RASEF: variants seen among roughly 807,000 people sequenced by gnomAD.
RASEF encodes the protein ras and EF-hand domain-containing protein.
A neutral mutation model predicts 90.1 loss-of-function variants in RASEF; 68 were observed. The ratio of observed to expected loss-of-function variants is 0.75; its 90% CI spans 0.62 to 0.92. RASEF has a LOEUF of 0.92. RASEF is among the 40% of genes least tolerant of loss of function. RASEF has a pLI of 0.00. For missense variants in RASEF, 949 were observed against 937.2 expected, an observed-to-expected ratio of 1.01 and a Z score of -0.16; for synonymous variants, 331 against 345.2, an observed-to-expected ratio of 0.96 and a Z score of 0.46.
At chr9:83,134,194 T>C in the RASEF span, among the ~76,000 whole-genome samples, 1 of 152,008 alleles carries the variant, frequency 6.6e-6, no homozygotes, top group Non-Finnish European at 1.5e-5. Context: ...CCCTCCCTAC[T>C]CTCAGCCACC....
rs986689420 is a variant in RASEF, at chr9:83,062,710, C to A, written c.158G>T (p.Arg53Leu). The A allele has an allele frequency of 1.3e-6, 2 of 1,578,752 alleles. No homozygotes were observed. Among genetic ancestry groups the A allele is most frequent in the Non-Finnish European group, 1.7e-6 (2 of 1,171,060 alleles). ...RPADAEAVFQ[R>L]LDADRDGAIT... Reference sequence around the variant, plus strand: ...GGCGCCGTCACGGTCGGCGTCCAGCCGCTGGAATACTGCCTCGGCGTCGGC... The same window carrying A: ...GGCGCCGTCACGGTCGGCGTCCAGCAGCTGGAATACTGCCTCGGCGTCGGC... The change falls in exon 1 of 17, where the codon CGG becomes CTG. Residue 53 changes from arginine (R) to leucine (L), a missense_variant. Coordinates refer to ENST00000376447, the MANE Select transcript of RASEF (RefSeq NM_152573.4).
At chr9:83,084,853 G>C in the RASEF span, among the ~76,000 whole-genome samples, 1 of 151,900 alleles carries the variant, frequency 6.6e-6, no homozygotes, top group Non-Finnish European at 1.5e-5. Flanking sequence ...ACTTGTCTTG[G>C]ATATTTTTGT....
At chr9:83,063,166 T>C (rs2117935724), upstream of RASEF, 1 of 380,314 alleles carries the variant, frequency 2.6e-6, no homozygotes, top group Non-Finnish European at 4.7e-6. Context: ...CCGAGGTGGC[T>C]CTCGCCACTT....
At chr9:83,079,284 C>T in the RASEF span, among the ~76,000 whole-genome samples, 12 of 152,124 alleles carry the variant, frequency 7.9e-5, no homozygotes, top group African/African-American at 2.9e-4. Flanking sequence ...AGCCAGTTAG[C>T]CCAGCAAAAT....
At chr9:83,164,373 A>ATATATATATATATATGTG in the RASEF span, among the ~76,000 whole-genome samples, 6 of 141,976 alleles carry the variant, frequency 4.2e-5, no homozygotes, top group Non-Finnish European at 9.2e-5. Context: ...ATATATATAT[A>ATATATATATATATATGTG]TGTGTGTGTG....
intron 16 of RASEF, 51 bp from the exon 17 acceptor site, chr9:82,982,833 G>GAGAGA: frequency 2.6e-5 from 26 of 1,012,854 alleles, no homozygotes; most frequent in African/African-American, 6.7e-5. Context: ...GAGAGAGAGA[G>GAGAGA]GATTACTGAG....
chr9:82,997,172 T>C (rs1828937363), intron 13 of RASEF, 46 bp from the exon 14 acceptor site: 2 of 1,189,058 alleles, frequency 1.7e-6, no homozygotes, highest in African/African-American at 3.0e-5. Context: ...TGTTGCCTCA[T>C]TCTTCTTCTC....
At chr9:83,095,503 CA>C in the RASEF span, among the ~76,000 whole-genome samples, 1 of 149,026 alleles carries the variant, frequency 6.7e-6, no homozygotes, top group Non-Finnish European at 1.5e-5. Flanking sequence ...GAAGGTAAAC[CA>C]GAGAGGAAGA....
At chr9:83,069,407 G>C in the RASEF span, among the ~76,000 whole-genome samples, 7 of 152,170 alleles carry the variant, frequency 4.6e-5, no homozygotes, top group Admixed American at 4.6e-4. Context: ...CTTTTCTAGA[G>C]TTTTATGTCA....
the RASEF span, among the ~76,000 whole-genome samples, chr9:83,079,727 A>C: frequency 6.6e-6 from 1 of 151,788 alleles, no homozygotes; most frequent in Non-Finnish European, 1.5e-5. Flanking sequence ...AACCTTAACA[A>C]ATTGTATGTC....
chr9:82,990,319 C>A, intron 16 of RASEF, 72 bp downstream of exon 16: 1 of 995,524 alleles, frequency 1.0e-6, no homozygotes, highest in Non-Finnish European at 1.6e-6. Context: ...TCTATCTGCA[C>A]ATTATGGACA....
At chr9:83,141,330 CAG>C in the RASEF span, among the ~76,000 whole-genome samples, 2 of 151,896 alleles carry the variant, frequency 1.3e-5, no homozygotes, top group East Asian at 3.9e-4. Context: ...CATGAGAAAA[CAG>C]ATGAAGATTA....
intron 1 of RASEF, among the ~76,000 whole-genome samples, chr9:83,032,025 A>G (rs1283748737): frequency 6.6e-6 from 1 of 152,162 alleles, no homozygotes; most frequent in Non-Finnish European, 1.5e-5. Flanking sequence ...CATCATAGCA[A>G]AAGATAGTAC....
At chr9:83,188,879 T>C in the RASEF span, among the ~76,000 whole-genome samples, 22 of 152,210 alleles carry the variant, frequency 1.4e-4, no homozygotes, top group African/African-American at 5.3e-4. Flanking sequence ...CATATCTGTC[T>C]GTGGTGTGGT....
the RASEF span, among the ~76,000 whole-genome samples, chr9:83,104,626 TC>T: frequency 0.051 from 7,825 of 152,226 alleles, 239 homozygotes; most frequent in South Asian, 0.097. Context: ...TCCTTTTTCT[TC>T]CCATAAAAAG....
chr9:83,057,667 G>A (rs1446947951), intron 1 of RASEF, among the ~76,000 whole-genome samples: 1 of 152,000 alleles, frequency 6.6e-6, no homozygotes, highest in East Asian at 1.9e-4. Context: ...ACCCAATACA[G>A]TCAAAAGCAC....
At chr9:83,038,510 A>C (rs1829783466) in intron 1 of RASEF, among the ~76,000 whole-genome samples, 1 of 152,172 alleles carries the variant, frequency 6.6e-6, no homozygotes, top group African/African-American at 2.4e-5. Flanking sequence ...TTGAACGAAG[A>C]TGTATTCTTC....
At position 82,996,921 on chromosome 9, in the gene RASEF, G is replaced by A; in HGVS notation, c.1920+91C>T. On this transcript the variant is annotated intron_variant, in intron 14 of 16. Transcript: ENST00000376447. ...GCTTGGATCAATGGTTCCTAATCAA[G>A]TTCATTCTGACAAAGAAGAGAGACA... The A allele has an allele frequency of 5.3e-6, 4 of 753,750 alleles. No individual in the cohort carries two copies. In the South Asian group the frequency reaches 6.2e-5, roughly 12 times the overall value. The allele number at this position is 753,750 out of a possible 1,614,324, so 46.7% of individuals were successfully genotyped here.
the RASEF span, among the ~76,000 whole-genome samples, chr9:83,109,516 T>C: frequency 6.6e-6 from 1 of 152,226 alleles, no homozygotes; most frequent in Non-Finnish European, 1.5e-5. Flanking sequence ...GGACATGGCA[T>C]GTTTTGACCA....
Sources: allele counts gnomAD v4.1 joint callset (sites outside exome capture counted in the v4.1 genomes callset), GRCh38; gene constraint gnomAD v4.1.1; transcripts MANE v1.5; gene names NCBI Gene and HGNC (gene_info 2026-07-23, HGNC 2026-07-21).